MFAP3: variants seen among roughly 807,000 people sequenced by gnomAD.
MFAP3 encodes microfibril-associated glycoprotein 3.
In MFAP3, 8 loss-of-function variants were observed where a neutral mutation model predicts 20.5. That is an observed-to-expected ratio of 0.39 (90% CI 0.23 to 0.70). The LOEUF (loss-of-function observed/expected upper bound fraction) is 0.70, where lower values mean the gene tolerates loss of function less well. MFAP3 is among the 30% of genes least tolerant of loss of function. The probability of loss-of-function intolerance (pLI) is 0.44; values close to 1 mark genes in which losing one functional copy is unlikely to be tolerated. For synonymous variants in MFAP3, 140 were observed against 154.0 expected (o/e 0.91, Z 0.67); for missense variants, 398 against 444.6 (o/e 0.90, Z 0.94).
intron 1 of MFAP3, among the ~76,000 whole-genome samples, chr5:154,048,808 A>G (rs1435639375): frequency 3.9e-5 from 6 of 152,340 alleles, no homozygotes; most frequent in African/African-American, 1.4e-4. Context: ...GCTAGTTTAC[A>G]GAGTTTGAGC....
In MFAP3 at chr5:154,057,149, C is replaced by G. The variant is rs998630318; in HGVS notation, c.*3436C>G. The stretch of plus-strand genomic sequence containing the variant: ...CCAGTCATGGGTGCTAGCCTAGTCT[C>G]CACACACCAGCAAGTAGAACCCAAG... On this transcript the variant is annotated 3_prime_UTR_variant, in exon 3 of 3. Coordinates refer to ENST00000522782, the MANE Select transcript of MFAP3 (RefSeq NM_005927.5). Among the ~76,000 whole-genome samples the G allele has an allele frequency of 2.6e-5, 4 of 152,166 alleles. No homozygotes were observed. Among genetic ancestry groups the G allele is most frequent in the Admixed American group, 2.0e-4 (3 of 15,264 alleles).
intron 1 of MFAP3, among the ~76,000 whole-genome samples, chr5:154,039,548 G>A (rs980647680): frequency 4.6e-5 from 7 of 152,068 alleles, no homozygotes; most frequent in African/African-American, 1.7e-4. Flanking sequence ...AATCTTGTAA[G>A]GCTTATGAGC....
intron 1 of MFAP3, among the ~76,000 whole-genome samples, chr5:154,048,147 CAATT>C (rs1329528449): frequency 6.6e-6 from 1 of 152,142 alleles, no homozygotes; most frequent in Non-Finnish European, 1.5e-5. Flanking sequence ...TGCACTGAAT[CAATT>C]AGATTATATT....
At position 154,053,754 on chromosome 5, in the gene MFAP3, T is replaced by A; in HGVS notation, c.*41T>A. 5 of 1,524,510 alleles carry A rather than the reference T, an allele frequency of 3.3e-6. No homozygotes were observed. In the South Asian group the frequency reaches 6.4e-5, roughly 20 times the overall value. 94.4% of individuals were successfully genotyped at this position (1,524,510 alleles called of 1,614,324 possible). On this transcript the variant is annotated 3_prime_UTR_variant, in exon 3 of 3. Coordinates refer to ENST00000522782, the MANE Select transcript of MFAP3 (RefSeq NM_005927.5). ...CCCAGTACCTACAAAATCAGCTCGC[T>A]CTCAGAAAAGGAACCTGTTTCTTAG...
At chr5:154,045,449 T>G (rs1301475310) in intron 1 of MFAP3, among the ~76,000 whole-genome samples, 1 of 152,202 alleles carries the variant, frequency 6.6e-6, no homozygotes, top group Non-Finnish European at 1.5e-5. Flanking sequence ...AGATTAAAAC[T>G]GCATAATGGT....
At chr5:154,046,907 C>A (rs1581862980) in intron 1 of MFAP3, among the ~76,000 whole-genome samples, 1 of 152,158 alleles carries the variant, frequency 6.6e-6, no homozygotes, top group Non-Finnish European at 1.5e-5. Context: ...CGAATATCTC[C>A]CTCACTCACT....
Position 154,049,835 on chromosome 5 carries a change from G to T in MFAP3, c.113G>T (p.Ser38Ile). 2.5e-6 allele frequency: 4 copies of T among 1,613,686 alleles called. No homozygotes were observed. Among genetic ancestry groups the T allele is most frequent in the Non-Finnish European group, 3.4e-6 (4 of 1,179,720 alleles). The change falls in exon 2 of 3, where the codon AGT becomes ATT. Residue 38 changes from serine to isoleucine, a missense_variant. Transcript: ENST00000522782. ...DQMVSLEANRSSYNASFPSSF... is the reference protein window; with the variant it reads ...DQMVSLEANRISYNASFPSSF... ...ATGGTTTCACTGGAAGCAAATCGTAGTTCTTACAATGCATCCTTTCCCTCA... is the reference window on the plus strand; with the variant it reads ...ATGGTTTCACTGGAAGCAAATCGTATTTCTTACAATGCATCCTTTCCCTCA...
chr5:154,050,165 A>G (rs1235282790), intron 2 of MFAP3, 148 bp downstream of exon 2: 6 of 658,690 alleles, frequency 9.1e-6, no homozygotes, highest in Non-Finnish European at 1.4e-5. Context: ...TGTACCTATC[A>G]GAAAATGCAA....
chr5:154,056,354 A>G lies in MFAP3; in HGVS notation c.*2641A>G, dbSNP rs1367318014. ...TTAATTGGAGTTGGTATTACTTCGT[A>G]AAGCTAGTTTTCAAGAGGAAGAAAA... On this transcript the variant is annotated 3_prime_UTR_variant, in exon 3 of 3. Transcript: ENST00000522782. Among the ~76,000 whole-genome samples, 2 of 152,230 alleles carry G rather than the reference A, an allele frequency of 1.3e-5. No individual in the cohort carries two copies. Among genetic ancestry groups the G allele is most frequent in the Non-Finnish European group, 2.9e-5 (2 of 68,044 alleles).
At chr5:154,041,494 G>A (rs1772950772) in intron 1 of MFAP3, among the ~76,000 whole-genome samples, 1 of 152,216 alleles carries the variant, frequency 6.6e-6, no homozygotes, top group Non-Finnish European at 1.5e-5. Flanking sequence ...CAGACTTAAT[G>A]TTTAAATCCA....
Position 154,053,770 on chromosome 5 carries a change from T to G in MFAP3, c.*57T>G. 6.8e-7 allele frequency: 1 copy of G among 1,466,728 alleles called. No individual in the cohort carries two copies. Among genetic ancestry groups the G allele is most frequent in the Non-Finnish European group, 9.2e-7 (1 of 1,085,924 alleles). The allele number at this position is 1,466,728 out of a possible 1,614,324, so 90.9% of individuals were successfully genotyped here. On this transcript the variant is annotated 3_prime_UTR_variant, in exon 3 of 3. Transcript: ENST00000522782. ...TCAGCTCGCTCTCAGAAAAGGAACCTGTTTCTTAGAAGAAGTAACATTTTT... is the reference window on the plus strand; with the variant it reads ...TCAGCTCGCTCTCAGAAAAGGAACCGGTTTCTTAGAAGAAGTAACATTTTT...
rs923273465 is a variant in MFAP3 at position 154,055,630 on chromosome 5, A to G, written c.*1917A>G. ...CTTCCCTTTTCTCTGGAAAAATTAA[A>G]TTTTTTTTCTGTCCACTGAGACTGG... On this transcript the variant is annotated 3_prime_UTR_variant, in exon 3 of 3. Coordinates refer to ENST00000522782, the MANE Select transcript of MFAP3 (RefSeq NM_005927.5). Among the ~76,000 whole-genome samples the G allele has an allele frequency of 1.3e-5, 2 of 151,904 alleles. No individual in the cohort carries two copies. Among genetic ancestry groups the G allele is most frequent in the African/African-American group, 4.8e-5 (2 of 41,356 alleles).
rs532461219 is a variant in MFAP3 at position 154,053,403 on chromosome 5, G to A, written c.779G>A (p.Arg260Gln). The A allele has an allele frequency of 7.4e-6, 12 of 1,613,978 alleles. No homozygotes were observed. Among genetic ancestry groups the A allele is most frequent in the South Asian group, 4.4e-5 (4 of 91,072 alleles). ...AFVEEMFEAV[R>Q]VDDPDDLGER... ...GTTGAGGAGATGTTTGAGGCTGTGC[G>A]AGTGGACGACCCTGATGACCTGGGT... The change falls in exon 3 of 3, where the codon CGA becomes CAA. Residue 260 changes from arginine (R) to glutamine (Q), a missense_variant. Transcript: ENST00000522782.
chr5:154,052,913 T>TTA lies in MFAP3; in HGVS notation c.296-5_296-4dup. ...TAATTTTTTTTTCATTTCTGTTCAA[T>TTA]TATCAGGTGGAAAGTGGTTGGTTTC... On this transcript the variant is annotated splice_region_variant and splice_polypyrimidine_tract_variant and intron_variant, in intron 2 of 2. Coordinates refer to ENST00000522782, the MANE Select transcript of MFAP3 (RefSeq NM_005927.5). The TTA allele has an allele frequency of 1.3e-6, 2 of 1,598,500 alleles. No individual in the cohort carries two copies.
rs1773291158 is a variant in MFAP3 at position 154,054,881 on chromosome 5, C to T, written c.*1168C>T. On this transcript the variant is annotated 3_prime_UTR_variant, in exon 3 of 3. Transcript: ENST00000522782. ...AGCTATGGCTGCTTTTGTAGCCTTT[C>T]CAAGAAGCACTAACCTGAAATAAGA... The T allele has an allele frequency of 6.0e-6, 1 of 166,984 alleles. No individual in the cohort carries two copies. Among genetic ancestry groups the T allele is most frequent in the Non-Finnish European group, 1.5e-5 (1 of 68,094 alleles). 10.3% of individuals were successfully genotyped at this position (166,984 alleles called of 1,614,324 possible). A position where few individuals can be genotyped will look rare whatever the true frequency, so the allele number is the denominator to read the frequency against.
rs1773141855 is a variant in MFAP3 at position 154,049,787 on chromosome 5, TGGA to T, written c.66_68del (p.Glu23del). On this transcript the variant is annotated inframe_deletion, in exon 2 of 3. Transcript: ENST00000522782. ...ATTATTGTGCCAGCTGCTTTTGTTT[TGGA>T]AGATGTGGACTTCGACCAAATGGTT... The T allele has an allele frequency of 6.2e-7, 1 of 1,613,606 alleles. No homozygotes were observed. The highest frequency in any genetic ancestry group is 8.5e-7 in the Non-Finnish European group (1 of 1,179,712).
chr5:154,049,508 C>T (rs1773132836), intron 1 of MFAP3, 49 bp from the exon 2 acceptor site: 1 of 541,658 alleles, frequency 1.8e-6, no homozygotes, highest in South Asian at 2.2e-5. Flanking sequence ...GCACTTTCAC[C>T]CCATTATGAA....
intron 1 of MFAP3, 24 bp from the exon 2 acceptor site, chr5:154,049,533 A>G: frequency 1.7e-6 from 1 of 590,710 alleles, no homozygotes. Context: ...AGTTGGTTAA[A>G]CTTTGTATCT....
chr5:154,049,337 A>T (rs1181667603), intron 1 of MFAP3, among the ~76,000 whole-genome samples: 1 of 152,182 alleles, frequency 6.6e-6, no homozygotes, highest in African/African-American at 2.4e-5. Flanking sequence ...TCGTACAGCT[A>T]GTTAGTGGCA....
Sources: allele counts gnomAD v4.1 joint callset (sites outside exome capture counted in the v4.1 genomes callset), GRCh38; gene constraint gnomAD v4.1.1; transcripts MANE v1.5; gene names NCBI Gene and HGNC (gene_info 2026-07-23, HGNC 2026-07-21).